PPP1R12A: variants seen among roughly 807,000 people sequenced by gnomAD.
The protein encoded by PPP1R12A is myosin binding subunit.
A neutral mutation model predicts 139.6 loss-of-function variants in PPP1R12A; 19 were observed. The observed-to-expected ratio is 0.14, with a 90% confidence interval of 0.09 to 0.20. The LOEUF (loss-of-function observed/expected upper bound fraction) is 0.20, where lower values mean the gene tolerates loss of function less well. PPP1R12A is among the 10% of genes least tolerant of loss of function. The probability of loss-of-function intolerance (pLI) is 1.00; values close to 1 mark genes in which losing one functional copy is unlikely to be tolerated. For missense variants in PPP1R12A, 925 were observed against 1,211.5 expected (o/e 0.76, Z 3.51); for synonymous variants, 427 against 420.6 (o/e 1.02, Z -0.19).
intron 3 of PPP1R12A, among the ~76,000 whole-genome samples, chr12:79,842,224 G>T (rs1253614551): frequency 1.3e-5 from 2 of 152,122 alleles, no homozygotes; most frequent in Non-Finnish European, 2.9e-5. Context: ...AGAGGCTAAG[G>T]TGGGAGGATC....
intron 2 of PPP1R12A, among the ~76,000 whole-genome samples, chr12:79,855,525 T>C (rs1880544950): frequency 6.6e-6 from 1 of 152,108 alleles, no homozygotes; most frequent in East Asian, 1.9e-4. Context: ...ATGGTAACTG[T>C]TTTAAGGTTT....
Position 79,871,073 on chromosome 12 carries a change from GA to G in PPP1R12A, c.368+1734del, listed in dbSNP as rs1334309655. Among the ~76,000 whole-genome samples the G allele has an allele frequency of 2.6e-5, 4 of 152,176 alleles. No homozygotes were observed. The East Asian group carries it at 7.7e-4, about 29-fold the overall frequency. ...GGCAATCATCTTGTAACCAAGAGGG[GA>G]GAAGGCTAAGAATAAAGTCCATTTT... On this transcript the variant is annotated intron_variant, in intron 2 of 24. Coordinates refer to ENST00000450142, the MANE Select transcript of PPP1R12A (RefSeq NM_002480.3).
At chr12:79,863,778 A>G (rs190776060) in intron 2 of PPP1R12A, among the ~76,000 whole-genome samples, 132 of 152,320 alleles carry the variant, frequency 8.7e-4, no homozygotes, top group African/African-American at 2.8e-3. Context: ...CAATTCAACA[A>G]GAAGAGCTAA....
At chr12:79,888,358 AACC>A (rs1216315912) in intron 1 of PPP1R12A, among the ~76,000 whole-genome samples, 1 of 152,162 alleles carries the variant, frequency 6.6e-6, no homozygotes, top group Non-Finnish European at 1.5e-5. Flanking sequence ...TTAGATTGTG[AACC>A]ACTGATACCC....
chr12:79,888,901 TTCTA>T (rs1233528556), intron 1 of PPP1R12A, among the ~76,000 whole-genome samples: 3 of 152,148 alleles, frequency 2.0e-5, no homozygotes, highest in African/African-American at 4.8e-5. Context: ...AACAATTTGG[TTCTA>T]TCTATCAAAA....
rs190763406 is a variant in PPP1R12A, at chr12:79,777,459, G to A, written c.3006+1091C>T. 4.1e-5 allele frequency: 40 copies of A among 984,932 alleles called. No individual in the cohort carries two copies. The East Asian group carries it at 5.7e-4, about 14-fold the overall frequency. The allele number at this position is 984,932 out of a possible 1,614,324, so 61.0% of individuals were successfully genotyped here. A position where few individuals can be genotyped will look rare whatever the true frequency, so the allele number is the denominator to read the frequency against. On this transcript the variant is annotated intron_variant, in intron 24 of 24. Coordinates refer to ENST00000450142, the MANE Select transcript of PPP1R12A (RefSeq NM_002480.3). The stretch of plus-strand genomic sequence containing the variant: ...GTAAAAGTGAGCTCTTACAAAACAC[G>A]CCTACTAATATAAAAACACCTGCCT...
chr12:79,830,535 T>A (rs866674746), intron 4 of PPP1R12A, among the ~76,000 whole-genome samples: 12 of 152,314 alleles, frequency 7.9e-5, no homozygotes, highest in African/African-American at 2.9e-4. Flanking sequence ...AACTAAAGAA[T>A]AACTGTTACT....
chr12:79,870,180 C>A (rs929790102), intron 2 of PPP1R12A, among the ~76,000 whole-genome samples: 1 of 152,102 alleles, frequency 6.6e-6, no homozygotes, highest in African/African-American at 2.4e-5. Context: ...CTCACTGCAA[C>A]CTCTGCCTCC....
intron 3 of PPP1R12A, among the ~76,000 whole-genome samples, chr12:79,840,591 A>C (rs1026520211): frequency 6.6e-6 from 1 of 152,164 alleles, no homozygotes; most frequent in Admixed American, 6.5e-5. Context: ...CTTCAACTGG[A>C]AACTTTAGTA....
chr12:79,812,382 C>CTGTGTGCGCGTGTG (rs370114772), intron 9 of PPP1R12A, among the ~76,000 whole-genome samples: 4 of 112,882 alleles, frequency 3.5e-5, no homozygotes, highest in Admixed American at 8.2e-5. Flanking sequence ...TTGACTGACT[C>CTGTGTGCGCGTGTG]TGTGTGTGCG....
chr12:79,934,292 C>T (rs1762742649), intron 1 of PPP1R12A, among the ~76,000 whole-genome samples: 1 of 152,160 alleles, frequency 6.6e-6, no homozygotes, highest in African/African-American at 2.4e-5. Flanking sequence ...CGTAATGCCC[C>T]TTGTTAGTTT....
chr12:79,794,617 A>G (rs1383805739), intron 18 of PPP1R12A, among the ~76,000 whole-genome samples: 1 of 152,050 alleles, frequency 6.6e-6, no homozygotes, highest in East Asian at 1.9e-4. Flanking sequence ...AACAGAAAAG[A>G]TATATTATAC....
intron 6 of PPP1R12A, among the ~76,000 whole-genome samples, chr12:79,821,405 T>C (rs1876082547): frequency 6.6e-6 from 1 of 152,148 alleles, no homozygotes; most frequent in African/African-American, 2.4e-5. Flanking sequence ...CCAACTTTAC[T>C]GAAAAAGTCG....
chr12:79,850,504 A>T (rs891090911), intron 2 of PPP1R12A, among the ~76,000 whole-genome samples: 1 of 152,236 alleles, frequency 6.6e-6, no homozygotes, highest in African/African-American at 2.4e-5. Flanking sequence ...GAAAAAATTT[A>T]AGAAAAACTT....
In PPP1R12A at chr12:79,888,936, G is replaced by C. The variant is rs114771519; in HGVS notation, c.238-15998C>G. On this transcript the variant is annotated intron_variant, in intron 1 of 24. Coordinates refer to ENST00000450142, the MANE Select transcript of PPP1R12A (RefSeq NM_002480.3). Reference sequence around the variant, plus strand: ...CAAAATTCAAAGGCACATATCCCTTGACAGTGCAATTTCATTCTAGGAATT... The same window carrying C: ...CAAAATTCAAAGGCACATATCCCTTCACAGTGCAATTTCATTCTAGGAATT... Among the ~76,000 whole-genome samples, 469 of 152,268 alleles carry C rather than the reference G, an allele frequency of 3.1e-3. 1 individual carries two copies. The highest frequency in any genetic ancestry group is 0.011 in the African/African-American group (440 of 41,560).
intron 1 of PPP1R12A, among the ~76,000 whole-genome samples, chr12:79,905,930 G>A (rs377122357): frequency 2.0e-5 from 3 of 152,122 alleles, no homozygotes; most frequent in African/African-American, 4.8e-5. Context: ...AAACTGGTGC[G>A]AAACTTTGAA....
intron 22 of PPP1R12A, among the ~76,000 whole-genome samples, chr12:79,783,758 T>TTA (rs1433503153): frequency 6.6e-6 from 1 of 152,190 alleles, no homozygotes; most frequent in African/African-American, 2.4e-5. Context: ...TGGGAAGATT[T>TTA]TAGCAATTAT....
At chr12:79,889,015 A>G (rs1452532549) in intron 1 of PPP1R12A, among the ~76,000 whole-genome samples, 2 of 152,232 alleles carry the variant, frequency 1.3e-5, no homozygotes, top group Non-Finnish European at 2.9e-5. Flanking sequence ...ATTATTTGCT[A>G]AGTTCTGGTA....
At chr12:79,891,258 T>C (rs141975123) in intron 1 of PPP1R12A, among the ~76,000 whole-genome samples, 27 of 152,298 alleles carry the variant, frequency 1.8e-4, no homozygotes, top group African/African-American at 6.5e-4. Flanking sequence ...ATGGTTATCT[T>C]AACTAAATAA....
Sources: allele counts gnomAD v4.1 joint callset (sites outside exome capture counted in the v4.1 genomes callset), GRCh38; gene constraint gnomAD v4.1.1; transcripts MANE v1.5; gene names NCBI Gene and HGNC (gene_info 2026-07-23, HGNC 2026-07-21).